The following HERC2 variants were observed in gnomAD, a reference collection of about 807,000 sequenced individuals.
HERC2 encodes the protein HECT and RLD domain containing E3 ubiquitin protein ligase 2, also known as E3 ubiquitin-protein ligase HERC2.
HERC2 carries 102 observed loss-of-function variants against 537.7 expected under a neutral mutation model. The observed-to-expected ratio is 0.19, with a 90% CI of 0.16 to 0.22. HERC2 has a LOEUF of 0.22. HERC2 is among the 10% of genes least tolerant of loss of function. HERC2 has a pLI of 1.00. For missense variants in HERC2, 4,236 were observed against 6,198.2 expected, an observed-to-expected ratio of 0.68 and a Z score of 10.63; for synonymous variants, 2,224 against 2,466.2, an observed-to-expected ratio of 0.90 and a Z score of 2.91.
chr15:28,303,734 G>A (rs1015870568), intron 2 of HERC2, among the ~76,000 whole-genome samples: 2 of 152,044 alleles, frequency 1.3e-5, no homozygotes, highest in African/African-American at 4.8e-5. Flanking sequence ...CTGCATCACT[G>A]TTTTACAGTT....
At chr15:28,194,402 C>A (rs538283018) in intron 52 of HERC2, among the ~76,000 whole-genome samples, 133 of 150,118 alleles carry the variant, frequency 8.9e-4, no homozygotes, top group African/African-American at 3.1e-3. Flanking sequence ...AACCCCATCT[C>A]TACTAAAAAT....
chr15:28,116,701 T>C lies in HERC2; in HGVS notation c.13573A>G (p.Arg4525Gly), dbSNP rs1012821259. ...AACATGCTGCTGTGCACGGGTGCTC[T>C]GGCGGCCGGGCTGAGCAGGTAGCAG... Reference protein sequence around the residue: ...RDCYLLSPAARAPVHSSMFRF... With the variant: ...RDCYLLSPAAGAPVHSSMFRF... Residue 4525 changes from arginine to glycine, a missense_variant, in exon 88 of 93, where the codon AGA becomes GGA. By Grantham distance (125) the Arg-to-Gly change is moderately radical (BLOSUM62 -2). This residue lies in a region of HERC2 where 313 missense variants were observed against 462.6 expected (regional missense o/e 0.68). Coordinates refer to ENST00000261609, the MANE Select transcript of HERC2 (RefSeq NM_004667.6). The C allele has an allele frequency of 1.2e-6, 2 of 1,613,496 alleles. No homozygotes were observed. Among genetic ancestry groups the C allele is most frequent in the Admixed American group, 3.3e-5 (2 of 59,996 alleles).
chr15:28,140,646 C>T (rs760109305), intron 78 of HERC2, among the ~76,000 whole-genome samples: 5 of 151,810 alleles, frequency 3.3e-5, no homozygotes, highest in Admixed American at 6.6e-5. Context: ...CTCAGCCTCC[C>T]GAGTAGCTGG....
intron 2 of HERC2, among the ~76,000 whole-genome samples, chr15:28,307,178 T>G (rs928748727): frequency 1.3e-5 from 2 of 152,238 alleles, no homozygotes; most frequent in African/African-American, 4.8e-5. Flanking sequence ...TTTATTGACA[T>G]ATAGCTGTTC....
chr15:28,148,581 G>A (rs958382302), intron 70 of HERC2, among the ~76,000 whole-genome samples: 2 of 152,042 alleles, frequency 1.3e-5, no homozygotes, highest in Non-Finnish European at 2.9e-5. Context: ...CACCGAGAAC[G>A]GCCGCATGAA....
chr15:28,193,172 C>G (rs1439386931), intron 52 of HERC2, among the ~76,000 whole-genome samples: 1 of 152,016 alleles, frequency 6.6e-6, no homozygotes, highest in East Asian at 1.9e-4. Flanking sequence ...CTAAAAATTA[C>G]CAGAAATGAT....
intron 4 of HERC2, among the ~76,000 whole-genome samples, chr15:28,281,773 C>T (rs2076025585): frequency 6.6e-6 from 1 of 152,214 alleles, no homozygotes; most frequent in African/African-American, 2.4e-5. Flanking sequence ...AAGCAGTGCC[C>T]CTGCCCTTCT....
intron 83 of HERC2, among the ~76,000 whole-genome samples, chr15:28,125,902 C>T (rs755032831): frequency 1.3e-5 from 2 of 152,212 alleles, no homozygotes; most frequent in Non-Finnish European, 2.9e-5. Flanking sequence ...ACCTCCGCCT[C>T]CCGGGTTCGA....
chr15:28,276,113 G>T (rs2075864759), intron 5 of HERC2, among the ~76,000 whole-genome samples: 1 of 147,636 alleles, frequency 6.8e-6, no homozygotes, highest in South Asian at 2.1e-4. Flanking sequence ...TTAAACCTGG[G>T]AGACAAAGGT....
intron 66 of HERC2, 90 bp from the exon 67 acceptor site, chr15:28,168,680 G>A: frequency 8.4e-7 from 1 of 1,196,526 alleles, no homozygotes; most frequent in South Asian, 1.6e-5. Flanking sequence ...ACGCACTGAG[G>A]CGTTTCCTCA....
In HERC2 at chr15:28,113,592, C is replaced by T. The variant is rs748153915; in HGVS notation, c.14000G>A (p.Gly4667Asp). Reference sequence around the variant, plus strand: ...GCATACCATCGTCTCCAGTTCGTAGCCGGTGAACAGAGAGAGGAGGGGAAC... The same window carrying T: ...GCATACCATCGTCTCCAGTTCGTAGTCGGTGAACAGAGAGAGGAGGGGAAC... The part of the protein sequence containing the change: ...VPVPLLSLFT[G>D]YELETMVCGS... The change falls in exon 91 of 93, where the codon GGC becomes GAC. Residue 4667 changes from glycine (G) to aspartate (D), a missense_variant. Coordinates refer to ENST00000261609, the MANE Select transcript of HERC2 (RefSeq NM_004667.6). This position sits in a 1 kb window ranked among gnomAD's most constrained non-coding sequence, Gnocchi z 7.0. 6.2e-7 allele frequency: 1 copy of T among 1,614,140 alleles called. No homozygotes were observed. Among genetic ancestry groups the T allele is most frequent in the East Asian group, 2.2e-5 (1 of 44,874 alleles).
chr15:28,301,293 T>C (rs1259587998), intron 2 of HERC2, among the ~76,000 whole-genome samples: 1 of 151,784 alleles, frequency 6.6e-6, no homozygotes, highest in Non-Finnish European at 1.5e-5. Flanking sequence ...CAGGCGCCCA[T>C]AATCCCAGCT....
chr15:28,246,703 C>T (rs1903744260), intron 22 of HERC2, 39 bp downstream of exon 22: 2 of 1,502,408 alleles, frequency 1.3e-6, no homozygotes, highest in Non-Finnish European at 8.9e-7. Flanking sequence ...CATCTATCTC[C>T]TAAAATAAAC....
chr15:28,238,043 A>G lies in HERC2; in HGVS notation c.3852+71T>C, dbSNP rs571040714. The G allele has an allele frequency of 2.6e-4, 237 of 926,526 alleles. No homozygotes were observed. In the African/African-American group the frequency reaches 3.4e-3, roughly 13 times the overall value. The allele number at this position is 926,526 out of a possible 1,614,324, so 57.4% of individuals were successfully genotyped here. A position where few individuals can be genotyped will look rare whatever the true frequency, so the allele number is the denominator to read the frequency against. ...CAGATATCAGTACTTCTAGATCCAA[A>G]TATTCCTATCACAAACACACAGAGG... is the stretch of plus-strand genomic sequence containing the variant. On this transcript the variant is annotated intron_variant, in intron 25 of 92. Coordinates refer to ENST00000261609, the MANE Select transcript of HERC2 (RefSeq NM_004667.6).
chr15:28,272,175 C>T (rs769150963), intron 9 of HERC2, 40 bp downstream of exon 9: 4 of 1,527,748 alleles, frequency 2.6e-6, no homozygotes, highest in Non-Finnish European at 3.5e-6. Flanking sequence ...TAACTAGACT[C>T]GAGTGCCACC....
intron 20 of HERC2, among the ~76,000 whole-genome samples, chr15:28,250,803 C>T (rs978919359): frequency 2.0e-5 from 3 of 152,090 alleles, no homozygotes; most frequent in African/African-American, 7.2e-5. Flanking sequence ...ACAGTGTCTA[C>T]CCATGCAGGA....
intron 39 of HERC2, 32 bp from the exon 40 acceptor site, chr15:28,214,834 T>A: frequency 6.4e-7 from 1 of 1,568,522 alleles, no homozygotes; most frequent in Non-Finnish European, 8.7e-7. Context: ...CGACAAGCAT[T>A]AAAAAAAATC....
chr15:28,223,489 T>C (rs1900748372), intron 35 of HERC2, among the ~76,000 whole-genome samples: 1 of 152,132 alleles, frequency 6.6e-6, no homozygotes, highest in African/African-American at 2.4e-5. Context: ...GAAACAGCCT[T>C]TCCTTTAGCC....
chr15:28,294,881 A>G (rs1567131129), intron 3 of HERC2, among the ~76,000 whole-genome samples: 1 of 151,624 alleles, frequency 6.6e-6, no homozygotes, highest in Non-Finnish European at 1.5e-5. Flanking sequence ...TAGGGCAGGA[A>G]TCTTCTAGGG....
Sources: allele counts gnomAD v4.1 joint callset (sites outside exome capture counted in the v4.1 genomes callset), GRCh38; gene constraint gnomAD v4.1.1; regional missense constraint gnomAD v4.1.1; non-coding constraint Gnocchi (gnomAD v3.1); transcripts MANE v1.5; gene names NCBI Gene and HGNC (gene_info 2026-07-23, HGNC 2026-07-21).